Variants in BIN2 observed in about 807,000 individuals in gnomAD.
The protein encoded by BIN2 is bridging integrator 2.
In BIN2, 43 loss-of-function variants were observed where a neutral mutation model predicts 67.9. The ratio of observed to expected loss-of-function variants is 0.63; its 90% CI spans 0.50 to 0.82. The LOEUF is 0.82. Ranked by LOEUF, BIN2 falls within the 40% of genes least tolerant of loss-of-function variation. The probability of loss-of-function intolerance (pLI) is 0.00; values close to 1 mark genes in which losing one functional copy is unlikely to be tolerated. For missense variants in BIN2, 581 were observed against 671.6 expected, an observed-to-expected ratio of 0.87 and a Z score of 1.49; for synonymous variants, 244 against 246.8, an observed-to-expected ratio of 0.99 and a Z score of 0.11.
intron 10 of BIN2, among the ~76,000 whole-genome samples, chr12:51,290,532 G>T (rs1010578642): frequency 4.3e-4 from 66 of 152,114 alleles, no homozygotes; most frequent in African/African-American, 1.3e-3. Context: ...GCCCCTTATA[G>T]AAGTCAATTA....
At position 51,291,811 on chromosome 12, in the gene BIN2, T is replaced by C. The variant is rs779748495; in HGVS notation, c.1295A>G (p.Asn432Ser). 4.3e-6 allele frequency: 7 copies of C among 1,613,812 alleles called. No homozygotes were observed. In the South Asian group the frequency reaches 7.7e-5, roughly 18 times the overall value. The part of the protein sequence containing the change: ...ATASPRPSSG[N>S]IPSSPTASGG... ...AGAGGCTGTAGGGCTGGAAGGTATG[T>C]TCCCTGAGGAGGGCCTGGGGCTTGC... Residue 432 changes from asparagine (N) to serine (S), a missense_variant, in exon 10 of 13, where the codon AAC becomes AGC. Physicochemically the swap from Asn to Ser is conservative, Grantham distance 46. Transcript: ENST00000615107.
At chr12:51,291,485 A>G (rs1945377445) in intron 10 of BIN2, 106 bp downstream of exon 10, 2 of 1,138,688 alleles carry the variant, frequency 1.8e-6, no homozygotes, top group African/African-American at 1.6e-5. Flanking sequence ...CGAGACTGCA[A>G]TGAGCTGTGA....
At chr12:51,294,424 G>A (rs980355515) in intron 9 of BIN2, among the ~76,000 whole-genome samples, 11 of 151,990 alleles carry the variant, frequency 7.2e-5, no homozygotes, top group Non-Finnish European at 1.3e-4. Context: ...AAAATTAGCC[G>A]GGTGTGGTGG....
At chr12:51,302,492 A>G (rs1945752311) in intron 4 of BIN2, 194 bp downstream of exon 4, 2 of 582,794 alleles carry the variant, frequency 3.4e-6, no homozygotes, top group Admixed American at 3.1e-5. Flanking sequence ...AGAGGGATCC[A>G]CAGATTAGGG....
chr12:51,313,228 A>AAGGC lies in BIN2; in HGVS notation c.162+591_162+594dup, dbSNP rs768529869. ...GAAGGAAGGAAGGAAGGAAGGCAGG[A>AAGGC]AGGCAGGCAGGCAGGCAGGCAGGGA... On this transcript the variant is annotated intron_variant, in intron 2 of 12. Coordinates refer to ENST00000615107, the MANE Select transcript of BIN2 (RefSeq NM_016293.4). Among the ~76,000 whole-genome samples the AAGGC allele has an allele frequency of 6.1e-3, 849 of 139,746 alleles. 21 individuals are homozygous for AAGGC. Among genetic ancestry groups the AAGGC allele is most frequent in the African/African-American group, 0.019 (731 of 38,358 alleles). The allele number at this position is 139,746 out of a possible 152,430, so 91.7% of individuals were successfully genotyped here. A position where few individuals can be genotyped will look rare whatever the true frequency, so the allele number is the denominator to read the frequency against.
intron 1 of BIN2, among the ~76,000 whole-genome samples, chr12:51,319,824 C>A (rs951413113): frequency 6.6e-6 from 1 of 152,108 alleles, no homozygotes; most frequent in African/African-American, 2.4e-5. Flanking sequence ...CTCCCATAAT[C>A]ATTTATTATA....
At chr12:51,281,886 G>T (rs113702785) in intron 12 of BIN2, among the ~76,000 whole-genome samples, 201 of 152,028 alleles carry the variant, frequency 1.3e-3, no homozygotes, top group African/African-American at 4.7e-3. Flanking sequence ...GAGTAGCTAG[G>T]ACTACAGGCG....
rs762135863 is a variant in BIN2 at position 51,299,624 on chromosome 12, C to T, written c.499G>A (p.Glu167Lys). ...TGTTTTACCTTGGCAGTCTTGGCCT[C>T]ATCTTTCTTCTTGGCATTCTGCACT... The part of the protein sequence containing the change: ...EAVQNAKKKD[E>K]AKTAKAEEEF... Residue 167 changes from glutamate (E) to lysine (K), a missense_variant, in exon 6 of 13, where the codon GAG (glutamate) becomes AAG (lysine). By Grantham distance (56) the Glu-to-Lys change is moderately conservative. Coordinates refer to ENST00000615107, the MANE Select transcript of BIN2 (RefSeq NM_016293.4). 2 of 1,614,090 alleles carry T rather than the reference C, an allele frequency of 1.2e-6. No individual in the cohort carries two copies. The highest frequency in any genetic ancestry group is 1.7e-6 in the Non-Finnish European group (2 of 1,180,006).
At chr12:51,321,970 T>C (rs1160568912) in intron 1 of BIN2, among the ~76,000 whole-genome samples, 1 of 152,220 alleles carries the variant, frequency 6.6e-6, no homozygotes, top group Admixed American at 6.5e-5. Flanking sequence ...CATTCCCACC[T>C]TATCGAAGTT....
At chr12:51,304,026 C>T (rs1945801709) in intron 2 of BIN2, 2 of 152,228 alleles carry the variant, frequency 1.3e-5, no homozygotes, top group South Asian at 4.1e-4. Flanking sequence ...TGGCGGATCA[C>T]TTGAGGACAG....
At chr12:51,286,370 G>A (rs927477288) in intron 11 of BIN2, among the ~76,000 whole-genome samples, 6 of 152,152 alleles carry the variant, frequency 3.9e-5, no homozygotes, top group African/African-American at 1.4e-4. Flanking sequence ...CACCAGAGAG[G>A]CTAAGAGTAA....
intron 1 of BIN2, among the ~76,000 whole-genome samples, chr12:51,315,171 AT>A (rs201485668): frequency 6.8e-6 from 1 of 146,710 alleles, no homozygotes; most frequent in African/African-American, 2.6e-5. Context: ...TATTATTATT[AT>A]TATTTTTTTT....
chr12:51,289,572 T>C (rs1010212549), intron 10 of BIN2, among the ~76,000 whole-genome samples: 3 of 151,972 alleles, frequency 2.0e-5, no homozygotes, highest in East Asian at 1.9e-4. Context: ...GTCATGATCA[T>C]GCCATTGCAC....
intron 1 of BIN2, among the ~76,000 whole-genome samples, chr12:51,321,173 TGA>T (rs1044459120): frequency 2.6e-5 from 4 of 152,072 alleles, no homozygotes; most frequent in Admixed American, 2.0e-4. Context: ...GGCACAGATG[TGA>T]GAGTGGCTTA....
chr12:51,305,641 GA>G (rs1375807192), intron 2 of BIN2, among the ~76,000 whole-genome samples: 2 of 150,552 alleles, frequency 1.3e-5, no homozygotes, highest in Non-Finnish European at 3.0e-5. Flanking sequence ...AAAAAAATGA[GA>G]AAAAAAGGAA....
At chr12:51,295,577 A>AATAT (rs1163870830) in intron 9 of BIN2, among the ~76,000 whole-genome samples, 37 of 29,492 alleles carry the variant, frequency 1.3e-3, no homozygotes, top group Non-Finnish European at 1.4e-3. Context: ...AAAAAAAAAA[A>AATAT]ATATATATAT....
intron 2 of BIN2, among the ~76,000 whole-genome samples, chr12:51,303,385 A>G (rs770723394): frequency 9.2e-5 from 14 of 152,200 alleles, no homozygotes; most frequent in Non-Finnish European, 2.1e-4. Flanking sequence ...CTTTCAGTGA[A>G]CAAGAGCCTA....
At chr12:51,311,458 C>T (rs1241633299) in intron 2 of BIN2, among the ~76,000 whole-genome samples, 1 of 152,160 alleles carries the variant, frequency 6.6e-6, no homozygotes, top group Non-Finnish European at 1.5e-5. Flanking sequence ...TAGCTCACTG[C>T]AGCCTGGAAT....
chr12:51,308,699 G>C (rs1438423106), intron 2 of BIN2, among the ~76,000 whole-genome samples: 1 of 152,170 alleles, frequency 6.6e-6, no homozygotes, highest in East Asian at 1.9e-4. Flanking sequence ...ATTGGAAGCA[G>C]CTGTCACTAC....
Sources: allele counts gnomAD v4.1 joint callset (sites outside exome capture counted in the v4.1 genomes callset), GRCh38; gene constraint gnomAD v4.1.1; transcripts MANE v1.5; gene names NCBI Gene and HGNC (gene_info 2026-07-23, HGNC 2026-07-21).